The following CORO2A variants were observed in gnomAD, a reference collection of about 807,000 sequenced individuals.
CORO2A encodes the protein coronin-2A.
In CORO2A, 47 loss-of-function variants were observed where a neutral mutation model predicts 62.4. That is an observed-to-expected ratio of 0.75 (90% confidence interval 0.60 to 0.96). The LOEUF (loss-of-function observed/expected upper bound fraction) is 0.96, where lower values mean the gene tolerates loss of function less well. CORO2A is among the 40% of genes least tolerant of loss of function. The probability of loss-of-function intolerance (pLI) is 0.00; values close to 1 mark genes in which losing one functional copy is unlikely to be tolerated. For synonymous variants in CORO2A, 273 were observed against 268.9 expected, an observed-to-expected ratio of 1.02 and a Z score of -0.15; for missense variants, 610 against 684.1, an observed-to-expected ratio of 0.89 and a Z score of 1.21.
chr9:98,151,878 G>T (rs560772730), intron 2 of CORO2A, among the ~76,000 whole-genome samples: 4 of 145,944 alleles, frequency 2.7e-5, no homozygotes, highest in Non-Finnish European at 6.0e-5. Flanking sequence ...GTACAGTGGC[G>T]CGATCTCGAC....
chr9:98,133,124 A>C lies in CORO2A; in HGVS notation c.562T>G (p.Phe188Val). The stretch of plus-strand genomic sequence containing the variant: ...GCCAACAGGCTGCCGTTGGTGTTGA[A>C]GGACATGGAGAGGATCACATCTTGG... ...CHQDVILSMS[F>V]NTNGSLLATT... Residue 188 changes from phenylalanine to valine, a missense_variant, in exon 5 of 12, where the codon TTC becomes GTC. Transcript: ENST00000375077. 6.2e-7 allele frequency: 1 copy of C among 1,614,216 alleles called. No homozygotes were observed. Among genetic ancestry groups the C allele is most frequent in the African/African-American group, 1.3e-5 (1 of 75,064 alleles).
chr9:98,151,278 A>C (rs999275596), intron 2 of CORO2A, among the ~76,000 whole-genome samples: 2 of 152,248 alleles, frequency 1.3e-5, no homozygotes, highest in African/African-American at 2.4e-5. Flanking sequence ...GTCCTAAAAA[A>C]AGAGAATGCT....
chr9:98,180,977 A>G (rs899682033), intron 1 of CORO2A, among the ~76,000 whole-genome samples: 3 of 152,130 alleles, frequency 2.0e-5, no homozygotes, highest in African/African-American at 7.2e-5. Context: ...GTCCCCAGTA[A>G]CCTGGGACAT....
intron 2 of CORO2A, among the ~76,000 whole-genome samples, chr9:98,139,758 T>G (rs1315582891): frequency 6.6e-6 from 1 of 152,236 alleles, no homozygotes; most frequent in East Asian, 1.9e-4. Context: ...ATTGTGCCAC[T>G]GCACTCCAGC....
At position 98,131,076 on chromosome 9, in the gene CORO2A, G is replaced by A. The variant is rs1827399409; in HGVS notation, c.766-17C>T. On this transcript the variant is annotated splice_polypyrimidine_tract_variant and intron_variant, in intron 6 of 11. Coordinates refer to ENST00000375077, the MANE Select transcript of CORO2A (RefSeq NM_052820.4). ...GAGGTTATCCTGCAGGGGAAGGGGA[G>A]GCAGGGAAGGCCTGGGTCACTCCTG... 6.3e-6 allele frequency: 10 copies of A among 1,579,826 alleles called. No individual in the cohort carries two copies. Among genetic ancestry groups the A allele is most frequent in the Non-Finnish European group, 8.7e-6 (10 of 1,155,450 alleles).
At chr9:98,177,232 G>T (rs1828120055) in intron 1 of CORO2A, among the ~76,000 whole-genome samples, 1 of 152,106 alleles carries the variant, frequency 6.6e-6, no homozygotes, top group Non-Finnish European at 1.5e-5. Flanking sequence ...GGGAAACCTG[G>T]AGCACATTCA....
chr9:98,129,411 T>C (rs1453486904), intron 8 of CORO2A, among the ~76,000 whole-genome samples: 1 of 152,238 alleles, frequency 6.6e-6, no homozygotes, highest in African/African-American at 2.4e-5. Context: ...GCTGTGTTTT[T>C]AATCCTCAAG....
In CORO2A at chr9:98,126,534, C is replaced by G. The variant is rs766872431; in HGVS notation, c.1446+15G>C. ...GCTGCCCCATGTGAAAGGCCCACCC[C>G]GTCCTCCTTCACACCTCATTCTCTG... On this transcript the variant is annotated intron_variant, in intron 11 of 11. Transcript: ENST00000375077. 11 of 1,607,874 alleles carry G rather than the reference C, an allele frequency of 6.8e-6. No homozygotes were observed. Among genetic ancestry groups the G allele is most frequent in the Non-Finnish European group, 9.4e-6 (11 of 1,175,442 alleles).
intron 2 of CORO2A, among the ~76,000 whole-genome samples, chr9:98,148,092 A>G (rs1293145103): frequency 3.0e-5 from 2 of 65,924 alleles, no homozygotes; most frequent in South Asian, 4.6e-4. Context: ...ATTAAAAAAA[A>G]AAAAGAAAAA....
intron 1 of CORO2A, among the ~76,000 whole-genome samples, chr9:98,184,043 A>C (rs1828208655): frequency 1.3e-5 from 2 of 152,242 alleles, no homozygotes; most frequent in Admixed American, 6.5e-5. Context: ...TAGATGACTT[A>C]AAGTATACAG....
chr9:98,128,030 G>A (rs1407786226), intron 10 of CORO2A, 140 bp downstream of exon 10: 18 of 653,926 alleles, frequency 2.8e-5, no homozygotes, highest in African/African-American at 7.2e-5. Context: ...GCTACCCACT[G>A]GGGACTGAAG....
In CORO2A at chr9:98,126,659, C is replaced by T. The variant is rs200720818; in HGVS notation, c.1336G>A (p.Glu446Lys). Reference sequence around the variant, plus strand: ...GCTGCCCACCTTGGCATCTTCTCCTCCAACAGGGAGGAAGACCTCCAGCCA... The same window carrying T: ...GCTGCCCACCTTGGCATCTTCTCCTTCAACAGGGAGGAAGACCTCCAGCCA... ...EDGWRSSSLL[E>K]EKMPRWAAEH... The change falls in exon 11 of 12, where the codon GAG becomes AAG. Residue 446 changes from glutamate to lysine, a missense_variant. Physicochemically the swap from Glu to Lys is moderately conservative, Grantham distance 56 (BLOSUM62 1). Coordinates refer to ENST00000375077, the MANE Select transcript of CORO2A (RefSeq NM_052820.4). 1 of 1,614,238 alleles carries T rather than the reference C, an allele frequency of 6.2e-7. No homozygotes were observed. Among genetic ancestry groups the T allele is most frequent in the Non-Finnish European group, 8.5e-7 (1 of 1,180,040 alleles).
chr9:98,168,024 C>A (rs1388581389), intron 1 of CORO2A, among the ~76,000 whole-genome samples: 1 of 152,190 alleles, frequency 6.6e-6, no homozygotes, highest in East Asian at 1.9e-4. Context: ...TGGCCCAGGC[C>A]CCGGAGCTTG....
intron 1 of CORO2A, among the ~76,000 whole-genome samples, chr9:98,175,323 C>T (rs973928458): frequency 2.0e-5 from 3 of 152,176 alleles, no homozygotes; most frequent in African/African-American, 4.8e-5. Flanking sequence ...TCCCCAGGCC[C>T]CTGGCAGAGT....
At chr9:98,127,857 GTA>G (rs1827348838) in intron 10 of CORO2A, among the ~76,000 whole-genome samples, 3 of 150,252 alleles carry the variant, frequency 2.0e-5, no homozygotes, top group Admixed American at 1.3e-4. Context: ...AATTGCAGAG[GTA>G]GGGGTGGGGA....
intron 1 of CORO2A, among the ~76,000 whole-genome samples, chr9:98,163,766 G>GAA: frequency 6.8e-6 from 1 of 146,878 alleles, no homozygotes; most frequent in African/African-American, 2.7e-5. Context: ...GAGAGAGAGA[G>GAA]AGAGAGAGAA....
At chr9:98,156,611 T>C (rs905844453) in intron 2 of CORO2A, among the ~76,000 whole-genome samples, 1 of 152,246 alleles carries the variant, frequency 6.6e-6, no homozygotes, top group Non-Finnish European at 1.5e-5. Flanking sequence ...CTCAATTGCA[T>C]TGTGTTCAGG....
chr9:98,134,326 G>A (rs996461972), intron 4 of CORO2A, among the ~76,000 whole-genome samples: 16 of 152,146 alleles, frequency 1.1e-4, no homozygotes, highest in South Asian at 2.1e-4. Context: ...GAGCAGGGTC[G>A]GGGGAACGAT....
chr9:98,165,473 A>G (rs1363900321), intron 1 of CORO2A, among the ~76,000 whole-genome samples: 9 of 152,260 alleles, frequency 5.9e-5, no homozygotes, highest in Admixed American at 5.2e-4. Flanking sequence ...CTTGGTGCTT[A>G]TTCTGCGCCA....
Sources: allele counts gnomAD v4.1 joint callset (sites outside exome capture counted in the v4.1 genomes callset), GRCh38; gene constraint gnomAD v4.1.1; transcripts MANE v1.5; gene names NCBI Gene and HGNC (gene_info 2026-07-23, HGNC 2026-07-21).